PSG1: variants seen among roughly 807,000 people sequenced by gnomAD.
PSG1 encodes the protein pregnancy specific beta-1-glycoprotein 1.
In PSG1, 60 loss-of-function variants were observed where a neutral mutation model predicts 41.4. That is an observed-to-expected ratio of 1.45 (90% CI 1.18 to 1.80). PSG1 has a LOEUF of 1.80. PSG1 is among the 40% of genes most tolerant of loss of function. The probability of loss-of-function intolerance (pLI) is 0.00; values close to 1 mark genes in which losing one functional copy is unlikely to be tolerated. For synonymous variants in PSG1, 256 were observed against 192.9 expected, an observed-to-expected ratio of 1.33 and a Z score of -2.71; for missense variants, 806 against 516.9, an observed-to-expected ratio of 1.56 and a Z score of -5.42.
chr19:42,872,528 A>G (rs1971437715), intron 2 of PSG1, among the ~76,000 whole-genome samples: 1 of 151,682 alleles, frequency 6.6e-6, no homozygotes, highest in African/African-American at 2.4e-5. Context: ...TGGGTACTGG[A>G]AAGCCTGGCC....
At chr19:42,875,601 G>A (rs1050785715) in intron 2 of PSG1, among the ~76,000 whole-genome samples, 2 of 151,352 alleles carry the variant, frequency 1.3e-5, no homozygotes, top group African/African-American at 4.9e-5. Context: ...AACAGATCAT[G>A]TCCCCCTGCC....
chr19:42,875,320 T>C (rs1306875375), intron 2 of PSG1, among the ~76,000 whole-genome samples: 3 of 151,714 alleles, frequency 2.0e-5, no homozygotes, highest in African/African-American at 7.3e-5. Flanking sequence ...TGAAAGACCA[T>C]GAGATTAAGA....
At chr19:42,872,344 C>T (rs918200396) in intron 2 of PSG1, among the ~76,000 whole-genome samples, 1 of 151,732 alleles carries the variant, frequency 6.6e-6, no homozygotes, top group South Asian at 2.1e-4. Context: ...TGTGTCCCTC[C>T]GTCTCCAACT....
chr19:42,875,820 A>ATT (rs1375948481), intron 2 of PSG1, among the ~76,000 whole-genome samples: 2 of 123,084 alleles, frequency 1.6e-5, no homozygotes, highest in African/African-American at 3.1e-5. Context: ...TTATTTATTT[A>ATT]TTTGTTTTTT....
At chr19:42,867,348 G>T (rs1971174367) in intron 5 of PSG1, 198 bp from the exon 6 acceptor site, 1 of 610,984 alleles carries the variant, frequency 1.6e-6, no homozygotes, top group Admixed American at 2.7e-5. Context: ...TTACATAAGT[G>T]CAGCAAGAGT....
At chr19:42,872,135 C>T in intron 2 of PSG1, 90 bp from the exon 3 acceptor site, 1 of 1,509,038 alleles carries the variant, frequency 6.6e-7, no homozygotes, top group Non-Finnish European at 8.9e-7. Flanking sequence ...TTTCCCACCT[C>T]TCAGCCCACC....
intron 1 of PSG1, among the ~76,000 whole-genome samples, chr19:42,878,999 C>G (rs1253556682): frequency 1.3e-5 from 2 of 151,540 alleles, no homozygotes; most frequent in Admixed American, 1.3e-4. Flanking sequence ...AATATGGTGG[C>G]CCCTGATGAT....
intron 2 of PSG1, among the ~76,000 whole-genome samples, chr19:42,872,413 G>T (rs1414500211): frequency 1.3e-5 from 2 of 151,670 alleles, no homozygotes; most frequent in South Asian, 2.1e-4. Flanking sequence ...AATCTTGTTA[G>T]TTTCAGTCTC....
rs771543735 is a variant in PSG1, at chr19:42,876,614, A to T, written c.430+1299T>A. On this transcript the variant is annotated intron_variant, in intron 2 of 5. Transcript: ENST00000436291. ...TGTAGAGTGTGAGTGGGGAAAGAAA[A>T]CAAGGTCCTCTCCTTGATCCTCTCA... 3.6e-4 allele frequency: 118 copies of T among 324,418 alleles called. 2 individuals carry two copies. Among genetic ancestry groups the T allele is most frequent in the Middle Eastern group, 1.2e-3 (1 of 802 alleles). The allele number at this position is 324,418 out of a possible 1,614,324, so 20.1% of individuals were successfully genotyped here. A position where few individuals can be genotyped will look rare whatever the true frequency, so the allele number is the denominator to read the frequency against.
chr19:42,872,066 A>G (rs1299624859), intron 2 of PSG1, 21 bp from the exon 3 acceptor site: 1 of 1,600,110 alleles, frequency 6.2e-7, no homozygotes, highest in African/African-American at 1.4e-5. Context: ...AACAGGGTGA[A>G]GATTGCCGTG....
At chr19:42,879,081 T>A (rs1254640276) in intron 1 of PSG1, among the ~76,000 whole-genome samples, 1 of 151,670 alleles carries the variant, frequency 6.6e-6, no homozygotes, top group Non-Finnish European at 1.5e-5. Flanking sequence ...CTTTCCTGTT[T>A]TGACCCCTGT....
Position 42,872,040 on chromosome 19 carries a change from T to C in PSG1, c.436A>G (p.Thr146Ala). The C allele has an allele frequency of 1.9e-6, 3 of 1,610,392 alleles. No homozygotes were observed. The highest frequency in any genetic ancestry group is 2.5e-6 in the Non-Finnish European group (3 of 1,178,438). Residue 146 changes from threonine to alanine, a missense_variant, in exon 3 of 6, where the codon ACT becomes GCT. Coordinates refer to ENST00000436291, the MANE Select transcript of PSG1 (RefSeq NM_001184825.2). ...GRFTFTLHLE[T>A]PKPSISSSNL... is the part of the protein sequence containing the mutation. ...CTGCTGGAGATGGAGGGCTTAGGAG[T>C]CTCCACTGTGCAGAAAACAGGGTGA... is the stretch of plus-strand genomic sequence containing the variant.
chr19:42,872,144 C>A (rs1417509160), intron 2 of PSG1, 99 bp from the exon 3 acceptor site: 6 of 1,483,566 alleles, frequency 4.0e-6, no homozygotes, highest in Non-Finnish European at 5.5e-6. Context: ...TCTCAGCCCA[C>A]CCAAGTCCTT....
chr19:42,874,559 G>A (rs1313876374), intron 2 of PSG1, among the ~76,000 whole-genome samples: 2 of 151,648 alleles, frequency 1.3e-5, no homozygotes, highest in Admixed American at 6.6e-5. Context: ...TGTTAGCCAG[G>A]ATGGTCTCTA....
intron 1 of PSG1, among the ~76,000 whole-genome samples, chr19:42,878,915 G>A (rs528331171): frequency 1.3e-5 from 2 of 151,566 alleles, no homozygotes; most frequent in East Asian, 3.9e-4. Flanking sequence ...TTCTTGCTGA[G>A]GACAGTGTTT....
intron 5 of PSG1, 193 bp from the exon 6 acceptor site, chr19:42,867,343 T>C: frequency 1.6e-6 from 1 of 617,000 alleles, no homozygotes; most frequent in East Asian, 2.8e-5. Context: ...ATTGTTTACA[T>C]AAGTGCAGCA....
intron 5 of PSG1, chr19:42,867,621 G>A: frequency 4.2e-6 from 3 of 716,982 alleles, no homozygotes; most frequent in Non-Finnish European, 7.6e-6. Flanking sequence ...GTGCAAATAT[G>A]TGTATTACCA....
intron 5 of PSG1, 157 bp downstream of exon 5, chr19:42,867,944 T>A: frequency 6.4e-7 from 1 of 1,560,662 alleles, no homozygotes; most frequent in Non-Finnish European, 8.6e-7. Context: ...GTTTTCGAAG[T>A]TCTTAGACAA....
At chr19:42,878,452 G>GTGTGTA (rs1381432827) in intron 1 of PSG1, 174 bp from the exon 2 acceptor site, 64 of 1,133,430 alleles carry the variant, frequency 5.6e-5, no homozygotes, top group Non-Finnish European at 7.5e-5. Context: ...GTGATTGTGT[G>GTGTGTA]TGTGTATGTG....
Sources: gnomAD v4.1 joint callset for allele counts (sites outside exome capture counted in the v4.1 genomes callset) on GRCh38, gnomAD v4.1.1 for gene constraint, MANE v1.5 for transcripts, NCBI Gene and HGNC (gene_info 2026-07-23, HGNC 2026-07-21) for gene names.